P2RX3: variants seen among roughly 807,000 people sequenced by gnomAD.
P2RX3 encodes P2X purinoceptor 3.
P2RX3 carries 41 observed loss-of-function variants against 51.5 expected under a neutral mutation model. The ratio of observed to expected loss-of-function variants is 0.80; its 90% CI spans 0.62 to 1.03. The LOEUF (loss-of-function observed/expected upper bound fraction) is 1.03. Ranked by LOEUF, P2RX3 falls within the 50% of genes least tolerant of loss-of-function variation. The probability of loss-of-function intolerance (pLI) is 0.00; values close to 1 mark genes in which losing one functional copy is unlikely to be tolerated. For synonymous variants in P2RX3, 185 were observed against 191.6 expected, an observed-to-expected ratio of 0.97 and a Z score of 0.29; for missense variants, 459 against 522.1, an observed-to-expected ratio of 0.88 and a Z score of 1.18.
chr11:57,352,582 T>C (rs1856565022), intron 8 of P2RX3, among the ~76,000 whole-genome samples: 1 of 152,218 alleles, frequency 6.6e-6, no homozygotes, highest in Non-Finnish European at 1.5e-5. Context: ...GAAAAGCTTA[T>C]GAAGAATGTG....
chr11:57,350,761 G>A lies in P2RX3; in HGVS notation c.706-1G>A, dbSNP rs764865566. 1.7e-5 allele frequency: 28 copies of A among 1,613,666 alleles called. No individual in the cohort carries two copies. The East Asian group carries it at 5.8e-4, about 33-fold the overall frequency. On this transcript the variant is annotated splice_acceptor_variant, in intron 7 of 11. Transcript: ENST00000263314. LOFTEE classifies it high-confidence loss of function. ...AGCTCATACCCGGCCCGTTTCTTCA[G>A]GGGGGAGTTCTGGGCATTAAGATCG...
rs765791843 is a variant in P2RX3, at chr11:57,370,742, C to T, written c.*745C>T. The T allele has an allele frequency of 6.6e-6, 1 of 152,256 alleles. No homozygotes were observed. Among genetic ancestry groups the T allele is most frequent in the Non-Finnish European group, 1.5e-5 (1 of 68,070 alleles). 9.4% of individuals were successfully genotyped at this position (152,256 alleles called of 1,614,324 possible). A position where few individuals can be genotyped will look rare whatever the true frequency, so the allele number is the denominator to read the frequency against. ...TCAGTGAATTTTTCCTCATCACTCC[C>T]CATAGCTCTCTCCCCAAACCAGGGA... On this transcript the variant is annotated 3_prime_UTR_variant, in exon 12 of 12. Coordinates refer to ENST00000263314, the MANE Select transcript of P2RX3 (RefSeq NM_002559.5).
At chr11:57,337,970 A>G (rs1036891336), upstream of P2RX3, among the ~76,000 whole-genome samples, 3 of 152,258 alleles carry the variant, frequency 2.0e-5, no homozygotes, top group Non-Finnish European at 4.4e-5. Flanking sequence ...AAAAACTTTC[A>G]AGAGACCTTT....
chr11:57,345,724 G>A (rs767790669), intron 1 of P2RX3, among the ~76,000 whole-genome samples: 22 of 152,288 alleles, frequency 1.4e-4, no homozygotes, highest in South Asian at 1.2e-3. Flanking sequence ...GAAAGTCTGA[G>A]AAGGAAGATA....
At chr11:57,368,224 T>G in intron 9 of P2RX3, 122 bp downstream of exon 9, 1 of 1,292,470 alleles carries the variant, frequency 7.7e-7, no homozygotes, top group African/African-American at 1.5e-5. Flanking sequence ...ACACCCTCAG[T>G]GGGTCACTCT....
At chr11:57,347,022 T>G in intron 2 of P2RX3, 94 bp from the exon 3 acceptor site, 3 of 1,316,936 alleles carry the variant, frequency 2.3e-6, no homozygotes, top group Non-Finnish European at 3.2e-6. Context: ...AAGCCTTGCT[T>G]TCCTCATCTG....
intron 1 of P2RX3, among the ~76,000 whole-genome samples, chr11:57,341,526 T>C (rs570552719): frequency 1.3e-5 from 2 of 152,272 alleles, no homozygotes; most frequent in South Asian, 4.1e-4. Flanking sequence ...CAGAGAGGCC[T>C]GGACTTACCT....
At chr11:57,344,623 C>T (rs1458454222) in intron 1 of P2RX3, among the ~76,000 whole-genome samples, 2 of 152,024 alleles carry the variant, frequency 1.3e-5, no homozygotes, top group Admixed American at 6.6e-5. Context: ...CACTTGAGCC[C>T]GGGAGGCAGA....
At chr11:57,337,519 G>C (rs1195902243), upstream of P2RX3, among the ~76,000 whole-genome samples, 1 of 152,062 alleles carries the variant, frequency 6.6e-6, no homozygotes, top group East Asian at 1.9e-4. Flanking sequence ...GTCCTTTGCA[G>C]GGACATGGAT....
rs371964035 is a variant in P2RX3, at chr11:57,350,762, G to A, written c.706G>A (p.Gly236Arg). ...GQDFAKLARTGGVLGIKIGWV... is the reference protein window; with the variant it reads ...GQDFAKLARTRGVLGIKIGWV... The stretch of plus-strand genomic sequence containing the variant: ...GCTCATACCCGGCCCGTTTCTTCAG[G>A]GGGGAGTTCTGGGCATTAAGATCGG... Residue 236 changes from glycine to arginine, a missense_variant and splice_region_variant, in exon 8 of 12, where the codon GGG becomes AGG. Transcript: ENST00000263314. 9 of 1,613,818 alleles carry A rather than the reference G, an allele frequency of 5.6e-6. No homozygotes were observed. The highest frequency in any genetic ancestry group is 1.3e-5 in the African/African-American group (1 of 74,834).
chr11:57,361,278 G>A (rs1378979825), intron 8 of P2RX3, among the ~76,000 whole-genome samples: 1 of 151,908 alleles, frequency 6.6e-6, no homozygotes, highest in Non-Finnish European at 1.5e-5. Flanking sequence ...GCCCCAGCTT[G>A]AGGGTCACTT....
At chr11:57,347,304 C>T in intron 3 of P2RX3, 111 bp from the exon 4 acceptor site, 1 of 1,468,746 alleles carries the variant, frequency 6.8e-7, no homozygotes, top group Non-Finnish European at 9.4e-7. Flanking sequence ...CAACTGGGAC[C>T]TGGGACCTCC....
rs577807365 is a variant in P2RX3 at position 57,367,951 on chromosome 11, G to T, written c.843-58G>T. On this transcript the variant is annotated intron_variant, in intron 8 of 11. Transcript: ENST00000263314. Reference sequence around the variant, plus strand: ...CACAGGGCTCTGGAGGACCCAGAAGGTTCAGGCAGGAGAGACAGGATCCCA... The same window carrying T: ...CACAGGGCTCTGGAGGACCCAGAAGTTTCAGGCAGGAGAGACAGGATCCCA... 19 of 1,408,220 alleles carry T rather than the reference G, an allele frequency of 1.3e-5. No individual in the cohort carries two copies. The Admixed American group carries it at 2.2e-4, about 16-fold the overall frequency. 87.2% of individuals were successfully genotyped at this position (1,408,220 alleles called of 1,614,324 possible). A position where few individuals can be genotyped will look rare whatever the true frequency, so the allele number is the denominator to read the frequency against.
At chr11:57,361,406 C>A (rs915569554) in intron 8 of P2RX3, among the ~76,000 whole-genome samples, 24 of 152,248 alleles carry the variant, frequency 1.6e-4, no homozygotes, top group African/African-American at 5.8e-4. Context: ...AGGTATTAAG[C>A]CCCACATGCA....
intron 5 of P2RX3, 102 bp from the exon 6 acceptor site, chr11:57,348,525 C>T: frequency 1.0e-6 from 1 of 975,548 alleles, no homozygotes; most frequent in Admixed American, 2.0e-5. Flanking sequence ...TATAAGAGGT[C>T]TCCCTTTGGA....
intron 1 of P2RX3, 139 bp downstream of exon 1, chr11:57,338,808 C>CT (rs1353034565): frequency 1.3e-5 from 8 of 611,560 alleles, no homozygotes; most frequent in Admixed American, 7.1e-5. Context: ...GGAGCCGAGT[C>CT]TTAAAGACTG....
intron 8 of P2RX3, among the ~76,000 whole-genome samples, chr11:57,365,758 G>C (rs1415437101): frequency 6.6e-6 from 1 of 152,216 alleles, no homozygotes; most frequent in Non-Finnish European, 1.5e-5. Context: ...CCTAATTCCA[G>C]AATGCCCCAC....
chr11:57,346,441 C>T lies in P2RX3; in HGVS notation c.120-103C>T, dbSNP rs549530091. On this transcript the variant is annotated intron_variant, in intron 1 of 11. Coordinates refer to ENST00000263314, the MANE Select transcript of P2RX3 (RefSeq NM_002559.5). ...TGGAAGGAACCATCCGCACACCCTG[C>T]CAGGCATGGCCAAGTGTTGGCAGGA... 15 of 1,429,536 alleles carry T rather than the reference C, an allele frequency of 1.0e-5. No individual in the cohort carries two copies. The East Asian group carries it at 3.0e-4, about 28-fold the overall frequency. 88.6% of individuals were successfully genotyped at this position (1,429,536 alleles called of 1,614,324 possible). A position where few individuals can be genotyped will look rare whatever the true frequency, so the allele number is the denominator to read the frequency against.
chr11:57,336,735 T>C (rs1299521776), upstream of P2RX3, among the ~76,000 whole-genome samples: 1 of 152,184 alleles, frequency 6.6e-6, no homozygotes, highest in Non-Finnish European at 1.5e-5. Flanking sequence ...ACTATTGATA[T>C]GTGTCCTACA....
Sources: gnomAD v4.1 joint callset for allele counts (sites outside exome capture counted in the v4.1 genomes callset) on GRCh38, gnomAD v4.1.1 for gene constraint, MANE v1.5 for transcripts, NCBI Gene and HGNC (gene_info 2026-07-23, HGNC 2026-07-21) for gene names.